The following PLXDC2 variants were observed in gnomAD, a reference collection of about 807,000 sequenced individuals.
PLXDC2 encodes plexin domain-containing protein 2.
A neutral mutation model predicts 68.9 loss-of-function variants in PLXDC2; 40 were observed. The observed-to-expected ratio is 0.58, with a 90% confidence interval of 0.45 to 0.76. The LOEUF (loss-of-function observed/expected upper bound fraction) is 0.76. Among genes scored for constraint, PLXDC2 ranks in the 30% least tolerant of loss-of-function variants. The pLI is 0.00. For synonymous variants in PLXDC2, 243 were observed against 234.2 expected (o/e 1.04, Z -0.34); for missense variants, 644 against 661.9 (o/e 0.97, Z 0.30).
intron 1 of PLXDC2, among the ~76,000 whole-genome samples, chr10:19,888,818 A>G (rs1457334242): frequency 6.6e-6 from 1 of 152,172 alleles, no homozygotes; most frequent in African/African-American, 2.4e-5. Context: ...AAAAAATGTC[A>G]TTAAAAAGGG....
At chr10:20,019,965 G>A (rs1001199145) in intron 2 of PLXDC2, among the ~76,000 whole-genome samples, 2 of 151,970 alleles carry the variant, frequency 1.3e-5, no homozygotes, top group Non-Finnish European at 2.9e-5. Flanking sequence ...TCAGCTATGA[G>A]TGTAGGGTAC....
intron 9 of PLXDC2, among the ~76,000 whole-genome samples, chr10:20,190,697 C>T (rs1589672986): frequency 6.6e-6 from 1 of 151,552 alleles, no homozygotes; most frequent in South Asian, 2.1e-4. Context: ...TAAATGAGAA[C>T]ATTTTTAAAA....
At position 19,817,158 on chromosome 10, in the gene PLXDC2, T is replaced by C. The variant is rs1356025060; in HGVS notation, c.79T>C (p.Phe27Leu). 1 of 1,575,448 alleles carries C rather than the reference T, an allele frequency of 6.3e-7. No homozygotes were observed. The highest frequency in any genetic ancestry group is 8.6e-7 in the Non-Finnish European group (1 of 1,157,234). ...LCHFFTDQFQ[F>L]ADGKPGDQIL... ...CCACTTCTTCACGGACCAGTTTCAG[T>C]TCGCCGATGGGAAACCCGGAGACCA... Residue 27 changes from phenylalanine (F) to leucine (L), a missense_variant, in exon 1 of 14, where the codon TTC becomes CTC. By Grantham distance (22) the Phe-to-Leu change is conservative. This residue lies in a region of PLXDC2 where 201 missense variants were observed against 166.9 expected (regional missense o/e 1.20). Coordinates refer to ENST00000377252, the MANE Select transcript of PLXDC2 (RefSeq NM_032812.9).
chr10:20,237,668 G>A (rs1835452005), intron 12 of PLXDC2, among the ~76,000 whole-genome samples: 1 of 152,158 alleles, frequency 6.6e-6, no homozygotes, highest in East Asian at 1.9e-4. Flanking sequence ...TAATCCCAAA[G>A]TGGAACACTA....
chr10:20,143,527 T>C, intron 5 of PLXDC2, 110 bp downstream of exon 5: 4 of 1,342,920 alleles, frequency 3.0e-6, no homozygotes, highest in Admixed American at 2.0e-5. Flanking sequence ...GTAAACTGCT[T>C]GATGCAAATG....
chr10:20,179,241 G>T (rs1160145709), intron 9 of PLXDC2, among the ~76,000 whole-genome samples: 1 of 152,084 alleles, frequency 6.6e-6, no homozygotes, highest in Non-Finnish European at 1.5e-5. Context: ...TGGGCAAGCC[G>T]CCATCATTAG....
Position 20,147,982 on chromosome 10 carries a change from A to G in PLXDC2, c.783+80A>G, listed in dbSNP as rs991983347. ...TTCCTCCAAATGTCAAGAAAGGGAC[A>G]TTTTACAGCCATGATCCTCAAATCA... On this transcript the variant is annotated intron_variant, in intron 6 of 13. Coordinates refer to ENST00000377252, the MANE Select transcript of PLXDC2 (RefSeq NM_032812.9). 3.1e-6 allele frequency: 3 copies of G among 973,214 alleles called. No homozygotes were observed. The African/African-American group carries it at 4.9e-5, about 16-fold the overall frequency. The allele number at this position is 973,214 out of a possible 1,614,324, so 60.3% of individuals were successfully genotyped here.
intron 12 of PLXDC2, among the ~76,000 whole-genome samples, chr10:20,234,324 T>C (rs1479747303): frequency 1.3e-5 from 2 of 152,156 alleles, no homozygotes; most frequent in Non-Finnish European, 2.9e-5. Context: ...CAACTAAACG[T>C]GTTCTGTTCC....
intron 1 of PLXDC2, among the ~76,000 whole-genome samples, chr10:19,850,375 T>G (rs974853889): frequency 5.3e-5 from 8 of 152,124 alleles, no homozygotes; most frequent in African/African-American, 1.9e-4. Context: ...TAATAATACT[T>G]CCTTTAGTAA....
intron 12 of PLXDC2, among the ~76,000 whole-genome samples, chr10:20,228,883 A>G (rs1426141836): frequency 1.3e-5 from 2 of 152,172 alleles, no homozygotes; most frequent in Non-Finnish European, 2.9e-5. Context: ...CACACACAGA[A>G]AAGTGACCAT....
intron 1 of PLXDC2, among the ~76,000 whole-genome samples, chr10:19,923,333 T>C (rs1482858716): frequency 6.6e-6 from 1 of 152,198 alleles, no homozygotes; most frequent in Non-Finnish European, 1.5e-5. Context: ...ACATAAAGTA[T>C]TGCCTAGTTA....
chr10:19,900,566 G>A (rs1039038344), intron 1 of PLXDC2, among the ~76,000 whole-genome samples: 17 of 151,874 alleles, frequency 1.1e-4, no homozygotes, highest in African/African-American at 4.1e-4. Context: ...GGAAATAATG[G>A]GTGCCTTATG....
At chr10:20,117,619 T>C (rs1474019955) in intron 4 of PLXDC2, among the ~76,000 whole-genome samples, 2 of 152,148 alleles carry the variant, frequency 1.3e-5, no homozygotes, top group East Asian at 3.9e-4. Flanking sequence ...ATCCCATATA[T>C]TTATGAAAAT....
In PLXDC2 at chr10:20,163,919, A is replaced by G. The variant is rs1157456080; in HGVS notation, c.784-549A>G. ...GAAGTCTTTCATAGTAGTTTCAACC[A>G]GAATGGTGAAATGATTGCCAAATTT... is the stretch of plus-strand genomic sequence containing the variant. On this transcript the variant is annotated intron_variant, in intron 6 of 13. Transcript: ENST00000377252. 3.3e-5 allele frequency among the ~76,000 whole-genome samples: 5 copies of G among 152,222 alleles called. No individual in the cohort carries two copies. In the East Asian group the frequency reaches 7.7e-4, roughly 23 times the overall value.
chr10:20,198,492 A>G (rs1276785435), intron 9 of PLXDC2, among the ~76,000 whole-genome samples: 1 of 152,082 alleles, frequency 6.6e-6, no homozygotes, highest in South Asian at 2.1e-4. Context: ...GTATATATTT[A>G]TGGGGTACTA....
intron 4 of PLXDC2, among the ~76,000 whole-genome samples, chr10:20,129,512 C>T (rs904626357): frequency 7.5e-6 from 1 of 133,604 alleles, no homozygotes; most frequent in African/African-American, 3.1e-5. Flanking sequence ...GGGGTCATCC[C>T]ATATATACAT....
intron 1 of PLXDC2, among the ~76,000 whole-genome samples, chr10:19,952,969 A>G (rs979756186): frequency 6.6e-6 from 1 of 151,810 alleles, no homozygotes; most frequent in Non-Finnish European, 1.5e-5. Flanking sequence ...GATTCAGGCG[A>G]TTCTCCTGCC....
intron 9 of PLXDC2, among the ~76,000 whole-genome samples, chr10:20,209,391 TG>T (rs1471842031): frequency 6.7e-6 from 1 of 149,620 alleles, no homozygotes; most frequent in African/African-American, 2.5e-5. Context: ...TGTTGTGGGG[TG>T]GGGGAAGAGG....
intron 1 of PLXDC2, among the ~76,000 whole-genome samples, chr10:19,828,129 C>T (rs1249294266): frequency 2.0e-5 from 3 of 152,300 alleles, no homozygotes; most frequent in South Asian, 2.1e-4. Context: ...ATGATATTTT[C>T]GCAATGTGCC....
Sources: allele counts gnomAD v4.1 joint callset (sites outside exome capture counted in the v4.1 genomes callset), GRCh38; gene constraint gnomAD v4.1.1; regional missense constraint gnomAD v4.1.1; transcripts MANE v1.5; gene names NCBI Gene and HGNC (gene_info 2026-07-23, HGNC 2026-07-21).